The following PMFBP1 variants were observed in gnomAD, a reference collection of about 807,000 sequenced individuals.
PMFBP1 encodes polyamine modulated factor 1 binding protein 1, also known as polyamine-modulated factor 1-binding protein 1.
Under a neutral mutation model 137.8 loss-of-function variants are expected in PMFBP1, and 131 were observed. That is an observed-to-expected ratio of 0.95 (90% CI 0.82 to 1.10). The LOEUF (loss-of-function observed/expected upper bound fraction) is 1.10, where lower values mean the gene tolerates loss of function less well. PMFBP1 is among the 50% of genes least tolerant of loss of function. The pLI is 0.00. For synonymous variants in PMFBP1, 490 were observed against 450.4 expected, an observed-to-expected ratio of 1.09 and a Z score of -1.11; for missense variants, 1,199 against 1,175.4, an observed-to-expected ratio of 1.02 and a Z score of -0.29.
the PMFBP1 span, among the ~76,000 whole-genome samples, chr16:72,229,507 C>T: frequency 2.6e-5 from 4 of 152,164 alleles, no homozygotes; most frequent in Admixed American, 1.3e-4. Context: ...CACAACCTCA[C>T]CAATATTTTT....
At chr16:72,202,210 G>A in the PMFBP1 span, among the ~76,000 whole-genome samples, 7 of 152,204 alleles carry the variant, frequency 4.6e-5, no homozygotes. Context: ...ACTCCTCAGT[G>A]TCTGAAGAAC....
the PMFBP1 span, among the ~76,000 whole-genome samples, chr16:72,249,153 T>A: frequency 3.9e-5 from 6 of 152,210 alleles, no homozygotes; most frequent in Non-Finnish European, 5.9e-5. Flanking sequence ...GGATTAGATA[T>A]GTGGTTTACC....
the PMFBP1 span, among the ~76,000 whole-genome samples, chr16:72,223,855 T>C: frequency 6.6e-6 from 1 of 152,210 alleles, no homozygotes; most frequent in African/African-American, 2.4e-5. Context: ...GGAAAATTAC[T>C]AGCTAAGAAT....
At chr16:72,165,821 G>A (rs1386597316) in intron 2 of PMFBP1, among the ~76,000 whole-genome samples, 1 of 152,192 alleles carries the variant, frequency 6.6e-6, no homozygotes, top group Non-Finnish European at 1.5e-5. Flanking sequence ...AAAAGAATTA[G>A]CTAATTGTTG....
At chr16:72,181,009 G>C (rs2043274348), upstream of PMFBP1, among the ~76,000 whole-genome samples, 1 of 152,176 alleles carries the variant, frequency 6.6e-6, no homozygotes, top group Admixed American at 6.5e-5. Flanking sequence ...GGGAGGCCAA[G>C]GCGGGCAGAT....
At chr16:72,169,337 T>A (rs2043188679) in intron 2 of PMFBP1, among the ~76,000 whole-genome samples, 1 of 152,134 alleles carries the variant, frequency 6.6e-6, no homozygotes, top group African/African-American at 2.4e-5. Flanking sequence ...AATAGTAGAG[T>A]TTACAGTTAT....
chr16:72,124,907 C>T lies in PMFBP1; in HGVS notation c.2449G>A (p.Glu817Lys). Reference protein sequence around the residue: ...EVHAFDKKLEEMSCQVLQWQK... With the variant: ...EVHAFDKKLEKMSCQVLQWQK... ...CACTGCAGCACCTGGCAGCTCATCT[C>T]CTCTAGCTTCTTGTCAAAGGCGTGC... is the stretch of plus-strand genomic sequence containing the variant. Residue 817 changes from glutamate (E) to lysine (K), a missense_variant, in exon 17 of 21, where the codon GAG becomes AAG. Physicochemically the swap from Glu to Lys is moderately conservative, Grantham distance 56. Transcript: ENST00000237353. 6.2e-7 allele frequency: 1 copy of T among 1,614,152 alleles called. No individual in the cohort carries two copies. Among genetic ancestry groups the T allele is most frequent in the East Asian group, 2.2e-5 (1 of 44,872 alleles).
chr16:72,247,984 A>G, the PMFBP1 span, among the ~76,000 whole-genome samples: 2 of 152,116 alleles, frequency 1.3e-5, no homozygotes, highest in Non-Finnish European at 2.9e-5. Flanking sequence ...TAACAGAACA[A>G]TTTTTCCAAC....
the PMFBP1 span, among the ~76,000 whole-genome samples, chr16:72,207,755 CA>C: frequency 2.3e-5 from 3 of 132,386 alleles, no homozygotes. Context: ...TATTGATATA[CA>C]CACACATATA....
chr16:72,206,415 G>T, the PMFBP1 span, among the ~76,000 whole-genome samples: 1 of 152,198 alleles, frequency 6.6e-6, no homozygotes, highest in Non-Finnish European at 1.5e-5. Flanking sequence ...CATGACATCA[G>T]CATTCCAGGA....
chr16:72,190,074 A>G, the PMFBP1 span, among the ~76,000 whole-genome samples: 1 of 152,220 alleles, frequency 6.6e-6, no homozygotes, highest in Non-Finnish European at 1.5e-5. Context: ...TATCTATAGC[A>G]GCAATCGGGG....
rs137992071 is a variant in PMFBP1, at chr16:72,154,170, C to T, written c.414+41G>A. 1.3e-4 allele frequency: 203 copies of T among 1,601,594 alleles called. 1 individual carries two copies. The highest frequency in any genetic ancestry group is 1.6e-4 in the Non-Finnish European group (191 of 1,172,476). ...GGGCTTGGTCTGATTTCTGCAGGTA[C>T]CTAAGAATGTGGGTTATTTCCATGG... On this transcript the variant is annotated intron_variant, in intron 4 of 20. Transcript: ENST00000237353.
chr16:72,239,915 A>AAAAAAAAAAAG, the PMFBP1 span, among the ~76,000 whole-genome samples: 111 of 145,092 alleles, frequency 7.7e-4, 5 homozygotes, highest in Non-Finnish European at 1.3e-3. Flanking sequence ...AAAAAAAAAA[A>AAAAAAAAAAAG]AAGAATGTTC....
At chr16:72,197,441 G>A in the PMFBP1 span, among the ~76,000 whole-genome samples, 1 of 152,220 alleles carries the variant, frequency 6.6e-6, no homozygotes, top group Non-Finnish European at 1.5e-5. Flanking sequence ...GGAGAAGCCA[G>A]CAGGCATATA....
chr16:72,234,496 C>T, the PMFBP1 span, among the ~76,000 whole-genome samples: 23 of 152,152 alleles, frequency 1.5e-4, no homozygotes, highest in Non-Finnish European at 2.8e-4. Flanking sequence ...GTACACAGCA[C>T]GTACAGCAAC....
upstream of PMFBP1, among the ~76,000 whole-genome samples, chr16:72,180,324 A>G (rs747032030): frequency 6.6e-5 from 10 of 152,164 alleles, no homozygotes; most frequent in Non-Finnish European, 1.0e-4. Context: ...GATTGTAGTG[A>G]GCCCAGAGCC....
In PMFBP1 at chr16:72,136,604, G is replaced by C; in HGVS notation, c.1047C>G (p.Asp349Glu). The change falls in exon 9 of 21, where the codon GAC (aspartate) becomes GAG (glutamate). Residue 349 changes from aspartate (D) to glutamate (E), a missense_variant and splice_region_variant. Asp to Glu is a conservative substitution (Grantham distance 45). Transcript: ENST00000237353. ...VSEQKRNIMK[D>E]MMKLELDLHG... The stretch of plus-strand genomic sequence containing the variant: ...GCAGGTCCAGCTCCAGCTTCATCAT[G>C]TCTACCATGGGGCGGGACAGAGTCT... 1 of 1,614,094 alleles carries C rather than the reference G, an allele frequency of 6.2e-7. No individual in the cohort carries two copies. Among genetic ancestry groups the C allele is most frequent in the Non-Finnish European group, 8.5e-7 (1 of 1,180,026 alleles).
chr16:72,137,598 G>T (rs2042652053), intron 7 of PMFBP1, among the ~76,000 whole-genome samples: 3 of 152,170 alleles, frequency 2.0e-5, no homozygotes, highest in Admixed American at 2.0e-4. Context: ...CATGGAGGAG[G>T]CAAGTGCGGC....
chr16:72,200,676 C>T, the PMFBP1 span, among the ~76,000 whole-genome samples: 8 of 152,222 alleles, frequency 5.3e-5, no homozygotes, highest in African/African-American at 1.9e-4. Context: ...TTATTATGTT[C>T]GTTAATCTAT....
Sources: allele counts gnomAD v4.1 joint callset (sites outside exome capture counted in the v4.1 genomes callset), GRCh38; gene constraint gnomAD v4.1.1; transcripts MANE v1.5; gene names NCBI Gene and HGNC (gene_info 2026-07-23, HGNC 2026-07-21).